Variants in TENM2 observed in about 807,000 individuals in gnomAD.
The protein encoded by TENM2 is teneurin-2.
In TENM2, 52 loss-of-function variants were observed where a neutral mutation model predicts 245.2. That is an observed-to-expected ratio of 0.21 (90% CI 0.17 to 0.27). TENM2 has a LOEUF of 0.27. Among genes scored for constraint, TENM2 ranks in the 10% least tolerant of loss-of-function variants. The probability of loss-of-function intolerance (pLI) is 1.00; values close to 1 mark genes in which losing one functional copy is unlikely to be tolerated. For synonymous variants in TENM2, 1,363 were observed against 1,438.9 expected, an observed-to-expected ratio of 0.95 and a Z score of 1.19; for missense variants, 3,046 against 3,666.8, an observed-to-expected ratio of 0.83 and a Z score of 4.37.
intron 2 of TENM2, among the ~76,000 whole-genome samples, chr5:167,420,006 A>G (rs770168380): frequency 6.6e-6 from 1 of 152,222 alleles, no homozygotes; most frequent in Non-Finnish European, 1.5e-5. Context: ...TGAACTTCGA[A>G]GTAAGTGTAA....
intron 3 of TENM2, among the ~76,000 whole-genome samples, chr5:167,908,301 C>G (rs1776260829): frequency 6.8e-6 from 1 of 147,284 alleles, no homozygotes; most frequent in Non-Finnish European, 1.5e-5. Context: ...CCCTACCCTC[C>G]CTTCCCCTCG....
intron 2 of TENM2, among the ~76,000 whole-genome samples, chr5:167,620,549 C>CTT (rs11455974): frequency 0.047 from 3,457 of 73,266 alleles, 308 homozygotes; most frequent in East Asian, 0.11. Context: ...TGCTTTTTGG[C>CTT]TTTTTTTTTT....
At chr5:167,055,319 T>G in the TENM2 span, among the ~76,000 whole-genome samples, 3 of 152,130 alleles carry the variant, frequency 2.0e-5, no homozygotes, top group Non-Finnish European at 4.4e-5. Context: ...ATTGTATTGC[T>G]TTTGCTCTTT....
chr5:167,723,515 C>T (rs567816841), intron 2 of TENM2, among the ~76,000 whole-genome samples: 40 of 152,210 alleles, frequency 2.6e-4, no homozygotes, highest in Non-Finnish European at 3.7e-4. Flanking sequence ...CCATTTCACT[C>T]GAGATACAAG....
chr5:167,837,215 A>T (rs1769085427), intron 2 of TENM2, among the ~76,000 whole-genome samples: 1 of 152,110 alleles, frequency 6.6e-6, no homozygotes, highest in Admixed American at 6.6e-5. Context: ...TTGGTTATTT[A>T]AGCATTCCAC....
chr5:167,148,652 G>T, the TENM2 span, among the ~76,000 whole-genome samples: 1 of 152,124 alleles, frequency 6.6e-6, no homozygotes, highest in African/African-American at 2.4e-5. Context: ...CTGATATTCA[G>T]GTGCCTTCTT....
intron 3 of TENM2, among the ~76,000 whole-genome samples, chr5:167,929,117 GAAAGAAA>G (rs1561946133): frequency 3.0e-5 from 2 of 67,208 alleles, no homozygotes; most frequent in Non-Finnish European, 5.8e-5. Context: ...AAGAAAGAAA[GAAAGAAA>G]GAAAGAAAAG....
intron 9 of TENM2, among the ~76,000 whole-genome samples, chr5:168,107,171 C>T (rs1794312727): frequency 6.6e-6 from 1 of 152,090 alleles, no homozygotes; most frequent in African/African-American, 2.4e-5. Flanking sequence ...CACCTGCCAA[C>T]TCCTGTTCCG....
chr5:167,605,632 T>C (rs1173701055), intron 2 of TENM2, among the ~76,000 whole-genome samples: 1 of 152,208 alleles, frequency 6.6e-6, no homozygotes, highest in Non-Finnish European at 1.5e-5. Context: ...TGGTGGCCAG[T>C]TTCGACATCA....
intron 2 of TENM2, among the ~76,000 whole-genome samples, chr5:167,446,517 T>C (rs961003073): frequency 3.3e-5 from 5 of 152,196 alleles, no homozygotes; most frequent in African/African-American, 1.2e-4. Flanking sequence ...CATTCTAATA[T>C]GTGACTTGGA....
At chr5:168,047,068 G>C (rs931302550) in intron 5 of TENM2, among the ~76,000 whole-genome samples, 1 of 152,208 alleles carries the variant, frequency 6.6e-6, no homozygotes, top group African/African-American at 2.4e-5. Context: ...ACTGTGTCCA[G>C]AGTGTAGAAA....
At chr5:167,688,326 T>C (rs1757211735) in intron 2 of TENM2, among the ~76,000 whole-genome samples, 1 of 152,198 alleles carries the variant, frequency 6.6e-6, no homozygotes, top group Admixed American at 6.5e-5. Flanking sequence ...TATGTATTCT[T>C]CTGTGGCATC....
intron 1 of TENM2, among the ~76,000 whole-genome samples, chr5:167,309,095 AAAAAC>A (rs1428081536): frequency 6.6e-6 from 1 of 152,162 alleles, no homozygotes; most frequent in Admixed American, 6.5e-5. Context: ...ATCCAAAACA[AAAAAC>A]AAATCACAAA....
the TENM2 span, among the ~76,000 whole-genome samples, chr5:167,026,879 C>T: frequency 6.6e-6 from 1 of 152,140 alleles, no homozygotes; most frequent in Non-Finnish European, 1.5e-5. Flanking sequence ...ATGGTAGCAA[C>T]ATAGCGAATG....
At chr5:167,568,648 TGTG>T (rs1774064589) in intron 2 of TENM2, among the ~76,000 whole-genome samples, 1 of 126,292 alleles carries the variant, frequency 7.9e-6, no homozygotes, top group Non-Finnish European at 1.6e-5. Context: ...GAGACCATGG[TGTG>T]TGTGTGTGTG....
At chr5:168,083,605 G>A (rs537956945) in intron 7 of TENM2, among the ~76,000 whole-genome samples, 2 of 152,262 alleles carry the variant, frequency 1.3e-5, no homozygotes, top group African/African-American at 2.4e-5. Flanking sequence ...CCACTCTTAA[G>A]TGTTGGAGAA....
At chr5:167,408,793 T>C (rs1298273544) in intron 2 of TENM2, among the ~76,000 whole-genome samples, 1 of 150,010 alleles carries the variant, frequency 6.7e-6, no homozygotes, top group African/African-American at 2.4e-5. Context: ...ATCTTATACA[T>C]ATATATATAT....
the TENM2 span, among the ~76,000 whole-genome samples, chr5:167,202,696 G>C: frequency 0.037 from 5,670 of 152,112 alleles, 372 homozygotes; most frequent in African/African-American, 0.13. Context: ...ACAAAATCCT[G>C]AGATCCATTA....
rs1237235236 is a variant in TENM2, at chr5:167,361,795, A to G, written c.227-13403A>G. 2.6e-5 allele frequency among the ~76,000 whole-genome samples: 4 copies of G among 152,218 alleles called. No individual in the cohort carries two copies. In the East Asian group the frequency reaches 5.8e-4, roughly 22 times the overall value. On this transcript the variant is annotated intron_variant, in intron 1 of 28. Coordinates refer to ENST00000518659, the Ensembl canonical transcript of TENM2. ...GTCTCTATTATATGTGAATACATCC[A>G]TTAAGTGTTGATAGTAATGGTTGTA...
Sources: gnomAD v4.1 joint callset for allele counts (sites outside exome capture counted in the v4.1 genomes callset) on GRCh38, gnomAD v4.1.1 for gene constraint, MANE v1.5 for transcripts, NCBI Gene and HGNC (gene_info 2026-07-23, HGNC 2026-07-21) for gene names.